TACR3: variants seen among roughly 807,000 people sequenced by gnomAD.
TACR3 encodes the protein tachykinin receptor 3.
A neutral mutation model predicts 35.0 loss-of-function variants in TACR3; 34 were observed. The ratio of observed to expected loss-of-function variants is 0.97; its 90% CI spans 0.74 to 1.30. TACR3 has a LOEUF of 1.30. Ranked by LOEUF, TACR3 falls within the 50% of genes most tolerant of loss-of-function variation. The pLI is 0.00. For synonymous variants in TACR3, 233 were observed against 221.1 expected (o/e 1.05, Z -0.48); for missense variants, 558 against 591.7 (o/e 0.94, Z 0.59).
chr4:103,646,187 T>C (rs1725451584), intron 3 of TACR3, among the ~76,000 whole-genome samples: 1 of 152,028 alleles, frequency 6.6e-6, no homozygotes, highest in African/African-American at 2.4e-5. Flanking sequence ...TAATTCTCTT[T>C]ATCAACACAA....
intron 3 of TACR3, among the ~76,000 whole-genome samples, chr4:103,630,228 A>C (rs1283068360): frequency 6.6e-6 from 1 of 152,250 alleles, no homozygotes; most frequent in Non-Finnish European, 1.5e-5. Flanking sequence ...CTAAAACCAT[A>C]AAAACCCTAG....
chr4:103,677,330 A>G (rs2110206784), intron 1 of TACR3, among the ~76,000 whole-genome samples: 1 of 152,286 alleles, frequency 6.6e-6, no homozygotes, highest in Admixed American at 6.5e-5. Context: ...AAGTGGAAAT[A>G]CTATTCGACC....
At chr4:103,598,539 A>C (rs7677021) in intron 3 of TACR3, among the ~76,000 whole-genome samples, 114,758 of 152,020 alleles carry the variant, frequency 0.75, 43,657 homozygotes, top group East Asian at 0.98. Context: ...ATGCCTATGT[A>C]CTGAATGGTA....
intron 3 of TACR3, among the ~76,000 whole-genome samples, chr4:103,645,476 A>C (rs1034538448): frequency 7.7e-6 from 1 of 129,160 alleles, no homozygotes; most frequent in African/African-American, 3.3e-5. Flanking sequence ...AGCCACAGGA[A>C]ATTTGACATT....
intron 1 of TACR3, among the ~76,000 whole-genome samples, chr4:103,715,498 G>A (rs991376437): frequency 5.3e-5 from 8 of 151,868 alleles, no homozygotes; most frequent in Admixed American, 4.6e-4. Context: ...GGGGAACCAT[G>A]GGCCAGTTAA....
In TACR3 at chr4:103,656,262, G is replaced by C. The variant is rs766681533; in HGVS notation, c.820C>G (p.Leu274Val). ...TCTCCTGGGATTTCTCCTCCCCAGAGAGTAATTCCAACAATGGTGTATGTA... is the reference window on the plus strand; with the variant it reads ...TCTCCTGGGATTTCTCCTCCCCAGACAGTAATTCCAACAATGGTGTATGTA... Reference protein sequence around the residue: ...GITYTIVGITLWGGEIPGDTC... With the variant: ...GITYTIVGITVWGGEIPGDTC... The change falls in exon 3 of 5, where the codon CTC becomes GTC. Residue 274 changes from leucine to valine, a missense_variant. Physicochemically the swap from Leu to Val is conservative, Grantham distance 32. Coordinates refer to ENST00000304883, the MANE Select transcript of TACR3 (RefSeq NM_001059.3). The C allele has an allele frequency of 1.1e-5, 18 of 1,612,948 alleles. No individual in the cohort carries two copies. The Admixed American group carries it at 3.0e-4, about 27-fold the overall frequency.
chr4:103,627,230 G>C (rs1407508946), intron 3 of TACR3, among the ~76,000 whole-genome samples: 8 of 138,492 alleles, frequency 5.8e-5, no homozygotes, highest in Non-Finnish European at 6.1e-5. Context: ...TTAAAGTTGT[G>C]CTAATTCTTC....
chr4:103,715,240 A>T (rs540439495), intron 1 of TACR3, among the ~76,000 whole-genome samples: 6 of 152,252 alleles, frequency 3.9e-5, no homozygotes, highest in African/African-American at 1.4e-4. Flanking sequence ...TGGGGCCTGG[A>T]GAGAGGTGAT....
chr4:103,641,670 G>C (rs1725358616), intron 3 of TACR3, among the ~76,000 whole-genome samples: 1 of 151,918 alleles, frequency 6.6e-6, no homozygotes, highest in South Asian at 2.1e-4. Flanking sequence ...AAAGATATCT[G>C]CAATTCCCAG....
intron 3 of TACR3, among the ~76,000 whole-genome samples, chr4:103,639,025 G>A (rs1356129461): frequency 9.9e-5 from 15 of 152,086 alleles, no homozygotes; most frequent in South Asian, 4.2e-4. Context: ...TGTGGAAGTC[G>A]GTGTGGTGAT....
At chr4:103,716,120 G>A (rs1251015063) in intron 1 of TACR3, among the ~76,000 whole-genome samples, 5 of 151,992 alleles carry the variant, frequency 3.3e-5, no homozygotes, top group East Asian at 1.9e-4. Context: ...TCATCTTTGA[G>A]GCAAGTGTTA....
At chr4:103,612,470 C>A (rs1296934247) in intron 3 of TACR3, among the ~76,000 whole-genome samples, 1 of 151,740 alleles carries the variant, frequency 6.6e-6, no homozygotes, top group Non-Finnish European at 1.5e-5. Context: ...TAGGGGTTAT[C>A]TTTGCCCTGC....
chr4:103,690,156 AC>A (rs539437919), intron 1 of TACR3, among the ~76,000 whole-genome samples: 3 of 152,288 alleles, frequency 2.0e-5, no homozygotes, highest in South Asian at 2.1e-4. Context: ...TTATGATTAA[AC>A]CTGCCTTAAG....
intron 1 of TACR3, among the ~76,000 whole-genome samples, chr4:103,688,331 G>A (rs1044078939): frequency 3.9e-5 from 6 of 152,160 alleles, no homozygotes; most frequent in East Asian, 1.9e-4. Flanking sequence ...TCAGGACACT[G>A]GCATGGGCAA....
intron 3 of TACR3, among the ~76,000 whole-genome samples, chr4:103,613,131 C>A (rs1348361529): frequency 1.3e-5 from 2 of 151,926 alleles, no homozygotes; most frequent in African/African-American, 4.8e-5. Context: ...TTTTAGCTGT[C>A]GTATATAGTG....
At chr4:103,713,285 C>G (rs1313221536) in intron 1 of TACR3, among the ~76,000 whole-genome samples, 2 of 151,934 alleles carry the variant, frequency 1.3e-5, no homozygotes, top group Non-Finnish European at 2.9e-5. Flanking sequence ...CTATGGAATA[C>G]TATGCAGCCA....
intron 1 of TACR3, among the ~76,000 whole-genome samples, chr4:103,660,146 A>G (rs909914427): frequency 2.0e-5 from 3 of 152,108 alleles, no homozygotes; most frequent in Admixed American, 2.0e-4. Context: ...TTAAATTTTC[A>G]GAAGATATTG....
intron 3 of TACR3, among the ~76,000 whole-genome samples, chr4:103,622,549 G>A (rs1168160351): frequency 3.3e-5 from 5 of 152,094 alleles, no homozygotes; most frequent in African/African-American, 1.2e-4. Context: ...GGCTAACACA[G>A]TGAAACCCCG....
chr4:103,635,196 G>A (rs2110314802), intron 3 of TACR3, among the ~76,000 whole-genome samples: 1 of 152,004 alleles, frequency 6.6e-6, no homozygotes, highest in South Asian at 2.1e-4. Flanking sequence ...AATACTCTCA[G>A]TATCAATGAT....
Sources: gnomAD v4.1 joint callset for allele counts (sites outside exome capture counted in the v4.1 genomes callset) on GRCh38, gnomAD v4.1.1 for gene constraint, MANE v1.5 for transcripts, NCBI Gene and HGNC (gene_info 2026-07-23, HGNC 2026-07-21) for gene names.